Variants in DGKH observed in about 807,000 individuals in gnomAD.
The protein encoded by DGKH is diacylglycerol kinase eta.
A neutral mutation model predicts 159.3 loss-of-function variants in DGKH; 90 were observed. The ratio of observed to expected loss-of-function variants is 0.57; its 90% confidence interval spans 0.48 to 0.67. DGKH has a LOEUF of 0.67. Among genes scored for constraint, DGKH ranks in the 30% least tolerant of loss-of-function variants. The pLI is 0.00. For missense variants in DGKH, 1,181 were observed against 1,506.1 expected (o/e 0.78, Z 3.57); for synonymous variants, 536 against 553.8 (o/e 0.97, Z 0.45).
At chr13:42,191,268 C>T (rs61959254) in intron 16 of DGKH, among the ~76,000 whole-genome samples, 37,330 of 151,912 alleles carry the variant, frequency 0.25, 4,682 homozygotes, top group African/African-American at 0.28. Flanking sequence ...AAATACATGG[C>T]ACTTATGAAA....
intron 30 of DGKH, chr13:42,256,065 A>T (rs1206587050): frequency 4.5e-6 from 6 of 1,327,140 alleles, no homozygotes; most frequent in Non-Finnish European, 5.4e-6. Context: ...GGTCTGGGAG[A>T]ACTGATCTTG....
At chr13:42,256,555 AAAT>A in exon 31 of DGKH, 1 of 711,104 alleles carries the variant, frequency 1.4e-6, no homozygotes, top group Non-Finnish European at 2.5e-6. Context: ...TTTATAATGA[AAAT>A]AAACGTGTAT....
intron 1 of DGKH, among the ~76,000 whole-genome samples, chr13:42,093,606 G>A (rs886936275): frequency 1.3e-5 from 2 of 152,150 alleles, no homozygotes; most frequent in African/African-American, 2.4e-5. Context: ...TATAAACAAC[G>A]CAAGTGCCAA....
intron 26 of DGKH, among the ~76,000 whole-genome samples, chr13:42,217,958 C>T (rs1015655942): frequency 1.4e-4 from 22 of 152,164 alleles, no homozygotes; most frequent in African/African-American, 5.3e-4. Flanking sequence ...TGCTTGAACC[C>T]AGAAGGCCAA....
rs370832783 is a variant in DGKH, at chr13:42,152,704, T to C, written c.385-2587T>C. Reference sequence around the variant, plus strand: ...TCACCTTCTATTTTTGATGCTCTGGTGAACCAGAGACTTCTGTGAAGTAAC... The same window carrying C: ...TCACCTTCTATTTTTGATGCTCTGGCGAACCAGAGACTTCTGTGAAGTAAC... On this transcript the variant is annotated intron_variant, in intron 3 of 29. Transcript: ENST00000337343. Among the ~76,000 whole-genome samples the C allele has an allele frequency of 1.3e-4, 19 of 147,514 alleles. No homozygotes were observed. The East Asian group carries it at 2.3e-3, about 18-fold the overall frequency.
At chr13:42,201,439 G>C (rs941648112) in intron 20 of DGKH, among the ~76,000 whole-genome samples, 1 of 152,316 alleles carries the variant, frequency 6.6e-6, no homozygotes, top group African/African-American at 2.4e-5. Flanking sequence ...AGCATAGCCA[G>C]CTATCTTTAA....
At chr13:42,131,463 G>A (rs1955288992) in intron 3 of DGKH, among the ~76,000 whole-genome samples, 1 of 152,170 alleles carries the variant, frequency 6.6e-6, no homozygotes, top group African/African-American at 2.4e-5. Flanking sequence ...TACAGAGGCA[G>A]GTGTGACCAG....
At chr13:42,062,443 G>T (rs142630262) in intron 1 of DGKH, among the ~76,000 whole-genome samples, 11 of 152,296 alleles carry the variant, frequency 7.2e-5, no homozygotes, top group African/African-American at 1.7e-4. Context: ...TGCACAGCTA[G>T]AGATGAGTTG....
At chr13:42,191,221 A>G (rs1317758869) in intron 16 of DGKH, among the ~76,000 whole-genome samples, 4 of 152,214 alleles carry the variant, frequency 2.6e-5, no homozygotes, top group Admixed American at 2.6e-4. Flanking sequence ...ACAAAGCAGA[A>G]ATTAAACTAT....
intron 20 of DGKH, among the ~76,000 whole-genome samples, chr13:42,200,115 T>C (rs943481497): frequency 2.0e-5 from 3 of 152,212 alleles, no homozygotes; most frequent in African/African-American, 7.2e-5. Context: ...CATTATCTCC[T>C]GAAATTGGGG....
chr13:42,187,024 A>C, intron 13 of DGKH, 25 bp from the exon 14 acceptor site: 1 of 1,594,594 alleles, frequency 6.3e-7, no homozygotes, highest in Non-Finnish European at 8.6e-7. Context: ...AGCTTACTAA[A>C]TTGTACAACT....
chr13:42,248,412 C>G (rs970727637), intron 29 of DGKH, among the ~76,000 whole-genome samples: 1 of 147,880 alleles, frequency 6.8e-6, no homozygotes, highest in Non-Finnish European at 1.5e-5. Context: ...GGTAACAGAG[C>G]GAGACACCGT....
intron 1 of DGKH, among the ~76,000 whole-genome samples, chr13:42,093,232 A>G (rs1362271031): frequency 6.6e-6 from 1 of 151,658 alleles, no homozygotes; most frequent in East Asian, 1.9e-4. Context: ...CGTCAGAGCA[A>G]AACTCTGTCT....
At chr13:42,253,985 TG>T (rs1566240638) in intron 30 of DGKH, among the ~76,000 whole-genome samples, 1 of 140,922 alleles carries the variant, frequency 7.1e-6, no homozygotes, top group African/African-American at 2.7e-5. Flanking sequence ...AAATTGGGAG[TG>T]GGTTACCAAA....
At chr13:42,195,162 G>A (rs1363253554) in intron 17 of DGKH, 146 bp downstream of exon 17, 5 of 1,164,936 alleles carry the variant, frequency 4.3e-6, no homozygotes, top group Non-Finnish European at 1.2e-6. Context: ...CAGAATCCAG[G>A]CCCTTAGATT....
At chr13:42,104,279 C>A (rs79844348) in intron 1 of DGKH, among the ~76,000 whole-genome samples, 14 of 152,198 alleles carry the variant, frequency 9.2e-5, no homozygotes, top group Non-Finnish European at 1.3e-4. Flanking sequence ...TTCTCCCCCC[C>A]AGGGAATTGT....
intron 1 of DGKH, chr13:42,069,245 A>G: frequency 9.0e-7 from 1 of 1,115,170 alleles, no homozygotes; most frequent in South Asian, 1.5e-5. Flanking sequence ...TAACTTGTTC[A>G]TCCTTTCTTA....
intron 7 of DGKH, among the ~76,000 whole-genome samples, chr13:42,160,835 T>A (rs1389275290): frequency 6.6e-6 from 1 of 152,202 alleles, no homozygotes; most frequent in East Asian, 1.9e-4. Flanking sequence ...GCCTCAAATT[T>A]TAAAATATGG....
At chr13:42,201,368 T>C (rs1957343343) in intron 20 of DGKH, among the ~76,000 whole-genome samples, 1 of 152,138 alleles carries the variant, frequency 6.6e-6, no homozygotes, top group South Asian at 2.1e-4. Context: ...TGGTCCTATT[T>C]TGAGGGTGAA....
Sources: allele counts gnomAD v4.1 joint callset (sites outside exome capture counted in the v4.1 genomes callset), GRCh38; gene constraint gnomAD v4.1.1; transcripts MANE v1.5; gene names NCBI Gene and HGNC (gene_info 2026-07-23, HGNC 2026-07-21).